The following FOCAD variants were observed in gnomAD, a reference collection of about 807,000 sequenced individuals.
FOCAD encodes focadhesin.
In FOCAD, 198 loss-of-function variants were observed where a neutral mutation model predicts 225.6. That is an observed-to-expected ratio of 0.88 (90% confidence interval 0.78 to 0.99). The LOEUF (loss-of-function observed/expected upper bound fraction) is 0.99. Among genes scored for constraint, FOCAD ranks in the 50% least tolerant of loss-of-function variants. The pLI, the probability that FOCAD is intolerant of heterozygous loss-of-function variation, is 0.00. For missense variants in FOCAD, 2,713 were observed against 2,123.6 expected (o/e 1.28, Z -5.46); for synonymous variants, 897 against 755.0 (o/e 1.19, Z -3.08).
chr9:20,692,017 T>C (rs956833090), intron 1 of FOCAD, among the ~76,000 whole-genome samples: 19 of 152,174 alleles, frequency 1.2e-4, no homozygotes, highest in African/African-American at 4.1e-4. Flanking sequence ...CCCAAAGTGC[T>C]GGGATTACAG....
intron 19 of FOCAD, among the ~76,000 whole-genome samples, chr9:20,880,577 G>C (rs1830585837): frequency 6.6e-6 from 1 of 152,204 alleles, no homozygotes; most frequent in Non-Finnish European, 1.5e-5. Context: ...ATAGAGGATA[G>C]ATAAGAAGGA....
chr9:20,926,350 A>T lies in FOCAD; in HGVS notation c.3011A>T (p.Asp1004Val). ...AAAGAGTGGGTTTCCATGGTACTTGATACACTCTTGGTCATTGTGGATAGC... is the reference window on the plus strand; with the variant it reads ...AAAGAGTGGGTTTCCATGGTACTTGTTACACTCTTGGTCATTGTGGATAGC... ...SMKEWVSMVL[D>V]TLLVIVDSHY... is the part of the protein sequence containing the mutation. Residue 1004 changes from aspartate (D) to valine (V), a missense_variant, in exon 26 of 44, where the codon GAT becomes GTT. Asp to Val is a radical substitution (Grantham distance 152). Coordinates refer to ENST00000338382, the MANE Select transcript of FOCAD (RefSeq NM_001375567.1). The T allele has an allele frequency of 6.2e-7, 1 of 1,613,722 alleles. No homozygotes were observed. Among genetic ancestry groups the T allele is most frequent in the Non-Finnish European group, 8.5e-7 (1 of 1,179,738 alleles).
At chr9:20,815,123 G>GTGTGTTTTTTTTTTTTTTTTTTTTT (rs1564024181) in intron 11 of FOCAD, among the ~76,000 whole-genome samples, 1 of 85,396 alleles carries the variant, frequency 1.2e-5, no homozygotes, top group Non-Finnish European at 2.2e-5. Flanking sequence ...ACTTCTCTTT[G>GTGTGTTTTTTTTTTTTTTTTTTTTT]TTTTTTTTTT....
chr9:20,945,207 C>T (rs557719404), intron 29 of FOCAD, among the ~76,000 whole-genome samples: 33 of 149,588 alleles, frequency 2.2e-4, no homozygotes, highest in African/African-American at 7.1e-4. Flanking sequence ...TGAGAAAATT[C>T]GCTTTACCAC....
chr9:20,770,252 T>C lies in FOCAD; in HGVS notation c.906+14T>C. 5 of 1,600,714 alleles carry C rather than the reference T, an allele frequency of 3.1e-6. No homozygotes were observed. Among genetic ancestry groups the C allele is most frequent in the Non-Finnish European group, 4.3e-6 (5 of 1,168,306 alleles). On this transcript the variant is annotated intron_variant, in intron 8 of 43. Transcript: ENST00000338382. The stretch of plus-strand genomic sequence containing the variant: ...CTTCTGAAGGAGGTAAGGATAGTAG[T>C]ATATTATACTGTTCATGCATTGCTA...
chr9:20,890,966 C>G (rs1366464278), intron 21 of FOCAD, among the ~76,000 whole-genome samples: 2 of 151,998 alleles, frequency 1.3e-5, no homozygotes, highest in South Asian at 4.2e-4. Context: ...CGTGGCAGCC[C>G]TGTATTGAGC....
chr9:20,763,917 G>A (rs1268047103), intron 6 of FOCAD, among the ~76,000 whole-genome samples: 1 of 152,160 alleles, frequency 6.6e-6, no homozygotes, highest in Non-Finnish European at 1.5e-5. Flanking sequence ...AGATACAAAA[G>A]ATTTGTAGGG....
chr9:20,749,659 T>G (rs1828367163), intron 5 of FOCAD, among the ~76,000 whole-genome samples: 1 of 152,156 alleles, frequency 6.6e-6, no homozygotes, highest in African/African-American at 2.4e-5. Context: ...GGGTCACAGC[T>G]GCATACATGA....
chr9:20,832,389 T>A (rs999091884), intron 15 of FOCAD, among the ~76,000 whole-genome samples: 1 of 151,984 alleles, frequency 6.6e-6, no homozygotes, highest in African/African-American at 2.4e-5. Context: ...TTACCTTCAT[T>A]CTTTTTTTTT....
chr9:20,720,317 A>G, intron 3 of FOCAD, 63 bp from the exon 4 acceptor site: 1 of 1,457,814 alleles, frequency 6.9e-7, no homozygotes, highest in East Asian at 2.3e-5. Context: ...GAATGACCAA[A>G]GGTGTGTGTG....
intron 5 of FOCAD, among the ~76,000 whole-genome samples, chr9:20,754,327 C>A (rs1459470922): frequency 2.0e-5 from 3 of 151,722 alleles, no homozygotes; most frequent in African/African-American, 4.8e-5. Context: ...TCTATCATAC[C>A]CAAATTAGCA....
chr9:20,865,536 G>A (rs1175410136), intron 16 of FOCAD, among the ~76,000 whole-genome samples: 1 of 151,988 alleles, frequency 6.6e-6, no homozygotes, highest in Non-Finnish European at 1.5e-5. Context: ...GTACAACCTC[G>A]AGTGAGTTAG....
At position 20,786,212 on chromosome 9, in the gene FOCAD, G is replaced by A. The variant is rs140828548; in HGVS notation, c.1198-3139G>A. ...TATCATCTTTGTGCTGAACTTGGGC[G>A]TAAATAACAGTTCCATTTCAGATTT... On this transcript the variant is annotated intron_variant, in intron 10 of 43. Coordinates refer to ENST00000338382, the MANE Select transcript of FOCAD (RefSeq NM_001375567.1). Among the ~76,000 whole-genome samples, 967 of 152,162 alleles carry A rather than the reference G, an allele frequency of 6.4e-3. 10 individuals carry two copies. Among genetic ancestry groups the A allele is most frequent in the Middle Eastern group, 0.031 (9 of 292 alleles).
chr9:20,726,472 G>C (rs1228370081), intron 4 of FOCAD: 1 of 152,196 alleles, frequency 6.6e-6, no homozygotes, highest in Non-Finnish European at 1.5e-5. Context: ...GCTAGCACTT[G>C]ATTTGTATGC....
chr9:20,680,534 A>G (rs1453248268), upstream of FOCAD, among the ~76,000 whole-genome samples: 1 of 152,174 alleles, frequency 6.6e-6, no homozygotes, highest in African/African-American at 2.4e-5. Context: ...CAGCCTGGCA[A>G]CAGAGCAAGA....
intron 35 of FOCAD, among the ~76,000 whole-genome samples, chr9:20,975,757 G>T (rs533816286): frequency 6.6e-6 from 1 of 152,142 alleles, no homozygotes; most frequent in Admixed American, 6.6e-5. Context: ...GCCACCTGGA[G>T]AACTCATGTT....
chr9:20,993,132 C>T (rs1317028907), intron 42 of FOCAD, 121 bp from the exon 43 acceptor site: 2 of 714,938 alleles, frequency 2.8e-6, no homozygotes, highest in East Asian at 2.7e-5. Context: ...AACTGTAATC[C>T]CAGCTACTGG....
intron 15 of FOCAD, among the ~76,000 whole-genome samples, chr9:20,850,122 A>G (rs965367220): frequency 2.0e-5 from 3 of 151,712 alleles, no homozygotes; most frequent in African/African-American, 4.8e-5. Context: ...ATTTAAAAAA[A>G]CTCTTAGTCT....
chr9:20,858,057 T>TGG (rs1828379876), intron 15 of FOCAD, among the ~76,000 whole-genome samples: 1 of 151,956 alleles, frequency 6.6e-6, no homozygotes, highest in Admixed American at 6.6e-5. Flanking sequence ...TTCTCTTTTT[T>TGG]TTGTTATATC....
Sources: gnomAD v4.1 joint callset for allele counts (sites outside exome capture counted in the v4.1 genomes callset) on GRCh38, gnomAD v4.1.1 for gene constraint, MANE v1.5 for transcripts, NCBI Gene and HGNC (gene_info 2026-07-23, HGNC 2026-07-21) for gene names.